The following RHOBTB2 variants were observed in gnomAD, a reference collection of about 807,000 sequenced individuals.
RHOBTB2 encodes rho-related BTB domain-containing protein 2.
In RHOBTB2, 39 loss-of-function variants were observed where a neutral mutation model predicts 66.5. That is an observed-to-expected ratio of 0.59 (90% CI 0.45 to 0.77). The LOEUF (loss-of-function observed/expected upper bound fraction) is 0.77, where lower values mean the gene tolerates loss of function less well. Among genes scored for constraint, RHOBTB2 ranks in the 30% least tolerant of loss-of-function variants. The probability of loss-of-function intolerance (pLI) is 0.00; values close to 1 mark genes in which losing one functional copy is unlikely to be tolerated. For missense variants in RHOBTB2, 755 were observed against 999.1 expected (o/e 0.76, Z 3.29); for synonymous variants, 390 against 395.0 (o/e 0.99, Z 0.15).
upstream of RHOBTB2, chr8:22,994,689 C>G (rs1483320574): frequency 1.4e-6 from 2 of 1,445,234 alleles, no homozygotes; most frequent in Non-Finnish European, 1.9e-6. Context: ...ATTGATTCAT[C>G]CATCGAGCAT....
rs935479035 is a variant in RHOBTB2, at chr8:23,019,356, C to G, written c.*1887C>G. On this transcript the variant is annotated 3_prime_UTR_variant, in exon 10 of 10. Transcript: ENST00000251822. ...GCCCCTCCAGGACTGTGGCTGCCTC[C>G]CCTCCACGGCCTCCAGGGCGGCTGG... The G allele has an allele frequency of 1.3e-5, 2 of 152,908 alleles. No homozygotes were observed. The highest frequency in any genetic ancestry group is 4.8e-5 in the African/African-American group (2 of 41,476). The allele number at this position is 152,908 out of a possible 1,614,324, so 9.5% of individuals were successfully genotyped here.
chr8:22,951,244 CTTTTTTTTTTTTT>C, the RHOBTB2 span, among the ~76,000 whole-genome samples: 3 of 87,964 alleles, frequency 3.4e-5, no homozygotes, highest in African/African-American at 9.5e-5. Context: ...CTACTTAGCT[CTTTTTTTTTTTTT>C]TTTTTTTTTT....
At chr8:23,009,955 G>C (rs112594589) in intron 6 of RHOBTB2, among the ~76,000 whole-genome samples, 18 of 152,326 alleles carry the variant, frequency 1.2e-4, no homozygotes, top group African/African-American at 4.3e-4. Flanking sequence ...AGAGATCCTG[G>C]AGGCCCAAAG....
At chr8:22,979,718 T>TTTTTC in the RHOBTB2 span, among the ~76,000 whole-genome samples, 12 of 148,994 alleles carry the variant, frequency 8.1e-5, no homozygotes, top group African/African-American at 1.5e-4. Context: ...TTCTTTTTTC[T>TTTTTC]TTTTCTTTTC....
the RHOBTB2 span, among the ~76,000 whole-genome samples, chr8:22,959,170 C>T: frequency 2.6e-5 from 4 of 152,224 alleles, no homozygotes; most frequent in East Asian, 1.9e-4. Context: ...ATTCTCCCTT[C>T]GCCGCACTAC....
exon 2 of RHOBTB2, chr8:22,992,153 G>A (rs1810441772): frequency 6.6e-6 from 1 of 152,150 alleles, no homozygotes; most frequent in South Asian, 2.1e-4. Context: ...TCATCCCTGT[G>A]AGCAGAACCA....
In RHOBTB2 at chr8:22,999,783, C is replaced by A; in HGVS notation, c.-333C>A. On this transcript the variant is annotated 5_prime_UTR_variant, in exon 1 of 10. Coordinates refer to ENST00000251822, the MANE Select transcript of RHOBTB2 (RefSeq NM_015178.3). ...TCTCCCGGCGCCCCTGCGCGCCGCCCGCTGCCTCCGCAGCCCGGCTCCGCG... is the reference window on the plus strand; with the variant it reads ...TCTCCCGGCGCCCCTGCGCGCCGCCAGCTGCCTCCGCAGCCCGGCTCCGCG... 1.0e-6 allele frequency: 1 copy of A among 985,280 alleles called. No individual in the cohort carries two copies. The allele number at this position is 985,280 out of a possible 1,614,324, so 61.0% of individuals were successfully genotyped here.
intron 5 of RHOBTB2, 72 bp downstream of exon 5, chr8:23,007,818 C>G: frequency 1.3e-6 from 2 of 1,566,042 alleles, no homozygotes; most frequent in Non-Finnish European, 1.7e-6. Context: ...GTCTCAGCTC[C>G]TGGTGTCCTG....
At position 23,004,672 on chromosome 8, in the gene RHOBTB2, G is replaced by A; in HGVS notation, c.192+46G>A. On this transcript the variant is annotated intron_variant, in intron 2 of 9. Coordinates refer to ENST00000251822, the MANE Select transcript of RHOBTB2 (RefSeq NM_015178.3). This position sits in a 1 kb window ranked among gnomAD's most constrained non-coding sequence, Gnocchi z 6.4. ...GGCTGGGGGTCCACGCCATGAGTCT[G>A]GGCTTGGGGGCTTCCTGAGGCATAG... is the stretch of plus-strand genomic sequence containing the variant. 24 of 1,538,720 alleles carry A rather than the reference G, an allele frequency of 1.6e-5. No individual in the cohort carries two copies. Among genetic ancestry groups the A allele is most frequent in the Non-Finnish European group, 2.0e-5 (23 of 1,133,816 alleles).
upstream of RHOBTB2, chr8:22,994,723 T>G: frequency 9.2e-7 from 1 of 1,086,838 alleles, no homozygotes; most frequent in Non-Finnish European, 1.4e-6. Context: ...CCCAAATTGT[T>G]TGTTGAAGCA....
the RHOBTB2 span, among the ~76,000 whole-genome samples, chr8:22,954,629 G>C: frequency 2.0e-5 from 3 of 152,154 alleles, no homozygotes; most frequent in East Asian, 5.8e-4. Context: ...ATCATGTTGT[G>C]ATGCCATACT....
chr8:23,006,193 C>A lies in RHOBTB2; in HGVS notation c.482+48C>A. The A allele has an allele frequency of 6.6e-7, 1 of 1,510,570 alleles. No homozygotes were observed. The allele number at this position is 1,510,570 out of a possible 1,614,324, so 93.6% of individuals were successfully genotyped here. A position where few individuals can be genotyped will look rare whatever the true frequency, so the allele number is the denominator to read the frequency against. ...AGACAGACATGGATGGGTGCCTCAC[C>A]ATGGCTCCCTGCTCAGCCCTGGGGG... On this transcript the variant is annotated intron_variant, in intron 4 of 9. Transcript: ENST00000251822. This position sits in a 1 kb window ranked among gnomAD's most constrained non-coding sequence, Gnocchi z 6.1.
At chr8:22,968,879 T>C in the RHOBTB2 span, among the ~76,000 whole-genome samples, 2 of 151,028 alleles carry the variant, frequency 1.3e-5, no homozygotes, top group Non-Finnish European at 2.9e-5. Flanking sequence ...GGGAAAGGCC[T>C]TTCTAAGAAT....
Position 23,000,000 on chromosome 8 carries a change from C to G in RHOBTB2, c.-116C>G. 1 of 985,574 alleles carries G rather than the reference C, an allele frequency of 1.0e-6. No homozygotes were observed. The highest frequency in any genetic ancestry group is 1.2e-6 in the Non-Finnish European group (1 of 830,024). 61.1% of individuals were successfully genotyped at this position (985,574 alleles called of 1,614,324 possible). On this transcript the variant is annotated 5_prime_UTR_variant, in exon 1 of 10. Transcript: ENST00000251822. ...CAGCGCGGCGGCGCCGGCGTCGTCC[C>G]AACTTGCAGGCGCGGAGGGACCCCT... is the stretch of plus-strand genomic sequence containing the variant.
the RHOBTB2 span, among the ~76,000 whole-genome samples, chr8:22,969,503 G>A: frequency 6.6e-6 from 1 of 152,126 alleles, no homozygotes. Context: ...CACAGGGGAA[G>A]AAATAAAAAT....
chr8:22,995,973 C>A, upstream of RHOBTB2: 2 of 1,262,442 alleles, frequency 1.6e-6, no homozygotes, highest in Non-Finnish European at 1.1e-6. Flanking sequence ...AGGCGGTCTG[C>A]GTTGGGCTGG....
At chr8:23,000,944 A>G (rs959558648) in intron 1 of RHOBTB2, among the ~76,000 whole-genome samples, 1 of 143,240 alleles carries the variant, frequency 7.0e-6, no homozygotes, top group African/African-American at 2.6e-5. Context: ...CAAGCCTCCT[A>G]TCAGCTGTGG....
At chr8:22,986,458 T>C (rs1272505130), upstream of RHOBTB2, among the ~76,000 whole-genome samples, 2 of 151,696 alleles carry the variant, frequency 1.3e-5, no homozygotes, top group Non-Finnish European at 2.9e-5. Flanking sequence ...GGGGTTTTGC[T>C]GTGTTGCCCA....
intron 7 of RHOBTB2, among the ~76,000 whole-genome samples, chr8:23,014,106 C>T (rs1273235176): frequency 6.6e-6 from 1 of 152,134 alleles, no homozygotes; most frequent in Non-Finnish European, 1.5e-5. Context: ...TAGGTCTTTT[C>T]TGGGGGCAGA....
Sources: allele counts gnomAD v4.1 joint callset (sites outside exome capture counted in the v4.1 genomes callset), GRCh38; gene constraint gnomAD v4.1.1; non-coding constraint Gnocchi (gnomAD v3.1); transcripts MANE v1.5; gene names NCBI Gene and HGNC (gene_info 2026-07-23, HGNC 2026-07-21).